The following HACE1 variants were observed in gnomAD, a reference collection of about 807,000 sequenced individuals.
HACE1 encodes E3 ubiquitin-protein ligase HACE1.
HACE1 carries 73 observed loss-of-function variants against 118.4 expected under a neutral mutation model. The ratio of observed to expected loss-of-function variants is 0.62; its 90% CI spans 0.51 to 0.75. The LOEUF (loss-of-function observed/expected upper bound fraction) is 0.75. Ranked by LOEUF, HACE1 falls within the 30% of genes least tolerant of loss-of-function variation. The pLI, the probability that HACE1 is intolerant of heterozygous loss-of-function variation, is 0.00. For synonymous variants in HACE1, 368 were observed against 374.8 expected (o/e 0.98, Z 0.21); for missense variants, 749 against 1,102.2 (o/e 0.68, Z 4.54).
At chr6:104,859,368 A>G in intron 1 of HACE1, 199 bp downstream of exon 1, 1 of 524,734 alleles carries the variant, frequency 1.9e-6, no homozygotes, top group Non-Finnish European at 3.3e-6. Flanking sequence ...TTTCCTCCCG[A>G]AAACTCCCAC....
chr6:104,831,223 T>A (rs1773835899), intron 6 of HACE1: 1 of 152,194 alleles, frequency 6.6e-6, no homozygotes, highest in South Asian at 2.1e-4. Flanking sequence ...AAAAGCCAAA[T>A]GTCTGGACAC....
At chr6:104,802,221 T>G (rs1030510755) in intron 7 of HACE1, among the ~76,000 whole-genome samples, 1 of 152,002 alleles carries the variant, frequency 6.6e-6, no homozygotes, top group African/African-American at 2.4e-5. Context: ...ATAAAGCAAG[T>G]CCTTAGAGAC....
intron 7 of HACE1, among the ~76,000 whole-genome samples, chr6:104,807,057 T>C (rs1216694622): frequency 2.0e-5 from 3 of 146,864 alleles, no homozygotes; most frequent in African/African-American, 7.5e-5. Context: ...GGAGTCTCAC[T>C]CTGTTGCCCA....
intron 19 of HACE1, among the ~76,000 whole-genome samples, chr6:104,764,967 C>T (rs546923528): frequency 6.6e-6 from 1 of 152,252 alleles, no homozygotes; most frequent in East Asian, 1.9e-4. Flanking sequence ...ACACAACATC[C>T]TTCATATTAA....
At chr6:104,733,475 A>C (rs1775427516) in intron 22 of HACE1, among the ~76,000 whole-genome samples, 1 of 152,214 alleles carries the variant, frequency 6.6e-6, no homozygotes, top group Non-Finnish European at 1.5e-5. Context: ...AAATAAATAA[A>C]ACAGTCTTTG....
At chr6:104,826,116 G>A (rs997398032) in intron 6 of HACE1, among the ~76,000 whole-genome samples, 1 of 152,194 alleles carries the variant, frequency 6.6e-6, no homozygotes, top group African/African-American at 2.4e-5. Context: ...AGTTCCTTGT[G>A]AGAATCTAAT....
chr6:104,816,989 C>G (rs1937613714), intron 6 of HACE1, among the ~76,000 whole-genome samples: 1 of 152,144 alleles, frequency 6.6e-6, no homozygotes, highest in African/African-American at 2.4e-5. Context: ...GCCAATTTCT[C>G]CCACTTGGAG....
intron 19 of HACE1, among the ~76,000 whole-genome samples, chr6:104,754,815 C>A (rs889365188): frequency 4.6e-5 from 7 of 152,266 alleles, no homozygotes; most frequent in Middle Eastern, 3.4e-3. Context: ...AAAATTGTTA[C>A]CAGCCACTAC....
At chr6:104,799,030 C>T (rs1444711420) in intron 7 of HACE1, among the ~76,000 whole-genome samples, 1 of 152,138 alleles carries the variant, frequency 6.6e-6, no homozygotes, top group Non-Finnish European at 1.5e-5. Context: ...TAATTTCAGA[C>T]ACCATTCATT....
At chr6:104,735,015 T>C (rs7741882) in intron 22 of HACE1, among the ~76,000 whole-genome samples, 32,909 of 151,832 alleles carry the variant, frequency 0.22, 3,686 homozygotes, top group African/African-American at 0.28. Flanking sequence ...ACAGAAATTA[T>C]AAAAACTTAC....
chr6:104,811,377 A>T lies in HACE1; in HGVS notation c.551T>A (p.Leu184Gln). ...CCTGTTAATATCAGCACCACTGTCTAGCAAGCACTGCACTGTCTGAGGGGG... is the reference window on the plus strand; with the variant it reads ...CCTGTTAATATCAGCACCACTGTCTTGCAAGCACTGCACTGTCTGAGGGGG... ...NGHKTTVQCL[L>Q]DSGADINRPN... Residue 184 changes from leucine to glutamine, a missense_variant, in exon 7 of 24, where the codon CTA becomes CAA. By Grantham distance (113) the Leu-to-Gln change is moderately radical. This residue lies in a region of HACE1 where 267 missense variants were observed against 312.2 expected (regional missense o/e 0.86). Transcript: ENST00000262903. 1 of 1,508,498 alleles carries T rather than the reference A, an allele frequency of 6.6e-7. No individual in the cohort carries two copies. Among genetic ancestry groups the T allele is most frequent in the Non-Finnish European group, 9.2e-7 (1 of 1,085,522 alleles). 93.4% of individuals were successfully genotyped at this position (1,508,498 alleles called of 1,614,324 possible).
intron 6 of HACE1, among the ~76,000 whole-genome samples, chr6:104,830,405 T>C (rs1340764812): frequency 6.6e-6 from 1 of 152,108 alleles, no homozygotes; most frequent in Admixed American, 6.5e-5. Context: ...AAAATGCAAA[T>C]GAACAATGGT....
intron 19 of HACE1, among the ~76,000 whole-genome samples, chr6:104,754,124 T>G (rs369683790): frequency 6.6e-6 from 1 of 152,080 alleles, no homozygotes. Context: ...CAAGTATCAA[T>G]AGCAGAATAG....
intron 6 of HACE1, among the ~76,000 whole-genome samples, chr6:104,829,085 A>G (rs1216127294): frequency 6.6e-6 from 1 of 151,998 alleles, no homozygotes; most frequent in African/African-American, 2.4e-5. Context: ...AAATATATAT[A>G]ATCAGAATTA....
At chr6:104,797,542 A>AAAAC (rs1769803049) in intron 7 of HACE1, among the ~76,000 whole-genome samples, 4 of 152,160 alleles carry the variant, frequency 2.6e-5, no homozygotes, top group Non-Finnish European at 4.4e-5. Context: ...CCAATGTAAG[A>AAAAC]GAATCTGGGG....
intron 12 of HACE1, among the ~76,000 whole-genome samples, 198 bp downstream of exon 12, chr6:104,784,787 C>T (rs1782161240): frequency 6.6e-6 from 1 of 152,042 alleles, no homozygotes; most frequent in African/African-American, 2.4e-5. Context: ...GTGACATTCA[C>T]CATTCTACAA....
At chr6:104,803,777 T>G (rs1267464380) in intron 7 of HACE1, among the ~76,000 whole-genome samples, 1 of 152,136 alleles carries the variant, frequency 6.6e-6, no homozygotes, top group Non-Finnish European at 1.5e-5. Context: ...GGGCAAAAAC[T>G]GGAAGCATTC....
intron 20 of HACE1, among the ~76,000 whole-genome samples, chr6:104,747,265 GTT>G (rs1232671409): frequency 1.3e-5 from 2 of 152,026 alleles, no homozygotes; most frequent in African/African-American, 4.8e-5. Context: ...ACGATTCAGT[GTT>G]TTTATATTCT....
In HACE1 at chr6:104,734,084, C is replaced by G. The variant is rs1467010296; in HGVS notation, c.2514-3668G>C. 7.3e-5 allele frequency among the ~76,000 whole-genome samples: 9 copies of G among 122,856 alleles called. No individual in the cohort carries two copies. The Admixed American group carries it at 9.3e-4, about 13-fold the overall frequency. The allele number at this position is 122,856 out of a possible 152,430, so 80.6% of individuals were successfully genotyped here. A position where few individuals can be genotyped will look rare whatever the true frequency, so the allele number is the denominator to read the frequency against. ...AGGAGAATCACTTCAACCTGGGAGG[C>G]GGGGGTTGCAGTGAGCCGAGTGAGA... On this transcript the variant is annotated intron_variant, in intron 22 of 23. Coordinates refer to ENST00000262903, the MANE Select transcript of HACE1 (RefSeq NM_020771.4).
Sources: gnomAD v4.1 joint callset for allele counts (sites outside exome capture counted in the v4.1 genomes callset) on GRCh38, gnomAD v4.1.1 for gene constraint, gnomAD v4.1.1 regional missense constraint, MANE v1.5 for transcripts, NCBI Gene and HGNC (gene_info 2026-07-23, HGNC 2026-07-21) for gene names.